The following CSMD1 variants were observed in gnomAD, a reference collection of about 807,000 sequenced individuals.
CSMD1 encodes the protein CUB and sushi domain-containing protein 1.
In CSMD1, 213 loss-of-function variants were observed where a neutral mutation model predicts 417.5. The ratio of observed to expected loss-of-function variants is 0.51; its 90% CI spans 0.46 to 0.57. The LOEUF (loss-of-function observed/expected upper bound fraction) is 0.57, where lower values mean the gene tolerates loss of function less well. Among genes scored for constraint, CSMD1 ranks in the 20% least tolerant of loss-of-function variants. The pLI is 0.00. For missense variants in CSMD1, 6,923 were observed against 4,529.7 expected (o/e 1.53, Z -15.17); for synonymous variants, 2,862 against 1,736.8 (o/e 1.65, Z -16.11).
intron 5 of CSMD1, among the ~76,000 whole-genome samples, chr8:3,973,995 A>C (rs1813250554): frequency 6.6e-6 from 1 of 152,226 alleles, no homozygotes; most frequent in Admixed American, 6.5e-5. Flanking sequence ...AGTTGCAAAC[A>C]ATGCAATTAC....
chr8:2,966,310 G>A (rs1801975165), intron 58 of CSMD1, among the ~76,000 whole-genome samples: 1 of 152,122 alleles, frequency 6.6e-6, no homozygotes, highest in Non-Finnish European at 1.5e-5. Flanking sequence ...TACAGACAAA[G>A]TCTGGACTTT....
At chr8:4,535,113 A>C (rs987840799) in intron 2 of CSMD1, among the ~76,000 whole-genome samples, 4 of 152,208 alleles carry the variant, frequency 2.6e-5, no homozygotes, top group Non-Finnish European at 2.9e-5. Flanking sequence ...AGAAGATACA[A>C]TATTAAAAAC....
At chr8:4,183,804 T>C (rs78514497) in intron 3 of CSMD1, among the ~76,000 whole-genome samples, 1 of 152,338 alleles carries the variant, frequency 6.6e-6, no homozygotes, top group African/African-American at 2.4e-5. Flanking sequence ...TGAGTATTTC[T>C]GTAAGTACTT....
At chr8:3,581,690 T>C (rs922648048) in intron 9 of CSMD1, among the ~76,000 whole-genome samples, 1 of 152,208 alleles carries the variant, frequency 6.6e-6, no homozygotes, top group African/African-American at 2.4e-5. Context: ...GGCATTTTAT[T>C]GCATTTCATA....
chr8:4,207,663 A>G (rs903342772), intron 3 of CSMD1, among the ~76,000 whole-genome samples: 6 of 152,160 alleles, frequency 3.9e-5, no homozygotes, highest in Non-Finnish European at 5.9e-5. Context: ...TCCTACATAA[A>G]TTAGTGTGCA....
chr8:4,523,978 T>C (rs1190779092), intron 2 of CSMD1, among the ~76,000 whole-genome samples: 1 of 152,020 alleles, frequency 6.6e-6, no homozygotes, highest in Non-Finnish European at 1.5e-5. Context: ...GTTCCTACGC[T>C]CTCCTCAAAT....
At chr8:4,133,621 C>G (rs962100868) in intron 3 of CSMD1, among the ~76,000 whole-genome samples, 15 of 152,102 alleles carry the variant, frequency 9.9e-5, no homozygotes, top group African/African-American at 3.4e-4. Flanking sequence ...AAGCATTGTA[C>G]TAGCAATGCG....
At chr8:4,847,278 A>G (rs192251755) in intron 1 of CSMD1, among the ~76,000 whole-genome samples, 1 of 152,210 alleles carries the variant, frequency 6.6e-6, no homozygotes, top group East Asian at 1.9e-4. Context: ...TAGAATCTCA[A>G]AGAAGATTTT....
In CSMD1 at chr8:4,507,076, A is replaced by T. The variant is rs142663233; in HGVS notation, c.303-87011T>A. Among the ~76,000 whole-genome samples, 780 of 152,276 alleles carry T rather than the reference A, an allele frequency of 5.1e-3. 7 individuals carry two copies. Among genetic ancestry groups the T allele is most frequent in the African/African-American group, 0.018 (746 of 41,566 alleles). On this transcript the variant is annotated intron_variant, in intron 2 of 69. Transcript: ENST00000635120. ...AATAAACACATATTTAGTAATGCTT[A>T]TTGATTACCTTGATTCCTGTTTATT...
At chr8:4,740,946 A>T (rs1394851841) in intron 1 of CSMD1, among the ~76,000 whole-genome samples, 1 of 152,230 alleles carries the variant, frequency 6.6e-6, no homozygotes, top group African/African-American at 2.4e-5. Flanking sequence ...ACTTATTAAC[A>T]TATATTAAAA....
At chr8:4,824,993 C>G (rs986579859) in intron 1 of CSMD1, among the ~76,000 whole-genome samples, 8 of 152,038 alleles carry the variant, frequency 5.3e-5, no homozygotes, top group Non-Finnish European at 8.8e-5. Context: ...GTGAGCGAAC[C>G]TGAATGCACT....
chr8:4,365,754 C>T lies in CSMD1; in HGVS notation c.415+54199G>A, dbSNP rs556998040. Among the ~76,000 whole-genome samples the T allele has an allele frequency of 5.0e-4, 76 of 152,242 alleles. 1 individual carries two copies. The South Asian group carries it at 0.015, about 31-fold the overall frequency. On this transcript the variant is annotated intron_variant, in intron 3 of 69. Coordinates refer to ENST00000635120, the MANE Select transcript of CSMD1 (RefSeq NM_033225.6). ...AGCTTCCAGATTTGAATAGCTGACT[C>T]CGGTGACCGAATTTATAGTCAAGTC...
At chr8:3,893,355 A>ATATATATATATATATATATATATATG in intron 5 of CSMD1, among the ~76,000 whole-genome samples, 1 of 135,306 alleles carries the variant, frequency 7.4e-6, no homozygotes, top group Admixed American at 7.7e-5. Flanking sequence ...ATATATATAT[A>ATATATATATATATATATATATATATG]TATATATTAT....
intron 3 of CSMD1, among the ~76,000 whole-genome samples, chr8:4,146,189 C>G (rs1804109714): frequency 1.3e-5 from 2 of 150,796 alleles, no homozygotes; most frequent in Non-Finnish European, 2.9e-5. Context: ...CAAGTCGATT[C>G]TCAAAAAAAG....
intron 1 of CSMD1, among the ~76,000 whole-genome samples, chr8:4,661,503 G>A (rs1206129817): frequency 2.0e-5 from 3 of 152,162 alleles, no homozygotes; most frequent in South Asian, 2.1e-4. Context: ...CAGGAGGAAC[G>A]TGAATGTGAC....
intron 3 of CSMD1, among the ~76,000 whole-genome samples, chr8:4,308,257 T>A (rs990747784): frequency 6.6e-6 from 1 of 152,030 alleles, no homozygotes; most frequent in African/African-American, 2.4e-5. Context: ...TTTTTATGTG[T>A]GTGTGTGTCT....
chr8:4,938,346 G>C (rs1807761280), intron 1 of CSMD1, among the ~76,000 whole-genome samples: 1 of 152,144 alleles, frequency 6.6e-6, no homozygotes. Flanking sequence ...ACATTTCAAA[G>C]ATTCCAAAAT....
chr8:2,946,131 T>C (rs1056034363), intron 68 of CSMD1, among the ~76,000 whole-genome samples: 4 of 152,228 alleles, frequency 2.6e-5, no homozygotes, highest in Non-Finnish European at 1.5e-5. Context: ...TTATGGCAGC[T>C]GTGGTGTCAC....
intron 1 of CSMD1, among the ~76,000 whole-genome samples, chr8:4,641,300 G>A (rs961745442): frequency 1.3e-5 from 2 of 152,016 alleles, no homozygotes; most frequent in South Asian, 2.1e-4. Flanking sequence ...AATAATATAC[G>A]AAACATCTGG....
Sources: allele counts gnomAD v4.1 joint callset (sites outside exome capture counted in the v4.1 genomes callset), GRCh38; gene constraint gnomAD v4.1.1; transcripts MANE v1.5; gene names NCBI Gene and HGNC (gene_info 2026-07-23, HGNC 2026-07-21).